Variants in GALNT13 observed in about 807,000 individuals in gnomAD.
GALNT13 encodes polypeptide N-acetylgalactosaminyltransferase 13, also known as UDP-GalNAc:polypeptide N-acetylgalactosaminyltransferase 13.
Under a neutral mutation model 64.2 loss-of-function variants are expected in GALNT13, and 28 were observed. The ratio of observed to expected loss-of-function variants is 0.44; its 90% CI spans 0.32 to 0.60. The LOEUF (loss-of-function observed/expected upper bound fraction) is 0.60. GALNT13 is among the 20% of genes least tolerant of loss of function. GALNT13 has a pLI of 0.05. For missense variants in GALNT13, 577 were observed against 669.8 expected (o/e 0.86, Z 1.53); for synonymous variants, 214 against 224.6 (o/e 0.95, Z 0.42).
intron 3 of GALNT13, among the ~76,000 whole-genome samples, chr2:153,958,911 A>C (rs1311890226): frequency 6.6e-6 from 1 of 152,188 alleles, no homozygotes; most frequent in Non-Finnish European, 1.5e-5. Context: ...CACCAAAAAC[A>C]AAAATATTTG....
chr2:154,030,887 C>T (rs993043973), intron 3 of GALNT13, among the ~76,000 whole-genome samples: 1 of 152,096 alleles, frequency 6.6e-6, no homozygotes, highest in Non-Finnish European at 1.5e-5. Context: ...GTCAATTAAC[C>T]CTCTTTTCTT....
At chr2:153,193,098 C>A in the GALNT13 span, among the ~76,000 whole-genome samples, 2 of 151,846 alleles carry the variant, frequency 1.3e-5, no homozygotes, top group Non-Finnish European at 2.9e-5. Flanking sequence ...GGTTTGATGG[C>A]TTTCTGTAGT....
At chr2:154,307,679 C>A (rs1038516802) in intron 9 of GALNT13, among the ~76,000 whole-genome samples, 1 of 151,908 alleles carries the variant, frequency 6.6e-6, no homozygotes, top group African/African-American at 2.4e-5. Context: ...TATATAGCAT[C>A]AAATACTATA....
chr2:153,608,082 ACTTTAAT>A, the GALNT13 span, among the ~76,000 whole-genome samples: 2 of 152,138 alleles, frequency 1.3e-5, no homozygotes, highest in East Asian at 3.9e-4. Context: ...AGCATCAGGG[ACTTTAAT>A]CTGAAATGTT....
intron 3 of GALNT13, among the ~76,000 whole-genome samples, chr2:154,099,692 C>A (rs528686473): frequency 6.6e-6 from 1 of 152,100 alleles, no homozygotes; most frequent in Admixed American, 6.6e-5. Context: ...AATACCAGCA[C>A]TTTGGGAAGC....
chr2:153,309,528 CT>C, the GALNT13 span, among the ~76,000 whole-genome samples: 115,831 of 149,400 alleles, frequency 0.78, 45,684 homozygotes, highest in Non-Finnish European at 0.84. Flanking sequence ...TCTTGAAGCA[CT>C]TTTTTTTTTT....
the GALNT13 span, among the ~76,000 whole-genome samples, chr2:153,663,640 G>A: frequency 6.6e-6 from 1 of 152,230 alleles, no homozygotes; most frequent in East Asian, 1.9e-4. Flanking sequence ...ATTTTCTGCA[G>A]CTCCAAACTG....
the GALNT13 span, among the ~76,000 whole-genome samples, chr2:153,712,088 G>C: frequency 1.5e-4 from 23 of 152,136 alleles, no homozygotes. Flanking sequence ...ACCTGAAATT[G>C]TAATCATATT....
the GALNT13 span, among the ~76,000 whole-genome samples, chr2:153,301,464 TGATA>T: frequency 5.3e-5 from 8 of 152,116 alleles, no homozygotes; most frequent in Admixed American, 5.2e-4. Context: ...CACATTGGTT[TGATA>T]GATATATAAT....
At chr2:153,566,348 G>GTTTTTTTGTTTTTTTTTTTTTTTTT in the GALNT13 span, among the ~76,000 whole-genome samples, 1 of 74,826 alleles carries the variant, frequency 1.3e-5, no homozygotes, top group African/African-American at 6.4e-5. Context: ...TTCTAATCAC[G>GTTTTTTTGTTTTTTTTTTTTTTTTT]TTTTTTTTTT....
At chr2:153,146,442 G>A in the GALNT13 span, among the ~76,000 whole-genome samples, 899 of 151,880 alleles carry the variant, frequency 5.9e-3, 13 homozygotes, top group African/African-American at 0.02. Context: ...TAAGAGCCCC[G>A]AAAGTCATGG....
chr2:153,614,455 T>C, the GALNT13 span, among the ~76,000 whole-genome samples: 3 of 152,008 alleles, frequency 2.0e-5, no homozygotes, highest in African/African-American at 7.2e-5. Context: ...TGACTGGATT[T>C]CTTCACAGCA....
chr2:154,392,791 G>A (rs987044805), intron 9 of GALNT13, among the ~76,000 whole-genome samples: 1 of 152,128 alleles, frequency 6.6e-6, no homozygotes, highest in Non-Finnish European at 1.5e-5. Context: ...AGGCAATAGT[G>A]AATAAAATAT....
At chr2:153,722,761 T>G in the GALNT13 span, among the ~76,000 whole-genome samples, 1 of 152,114 alleles carries the variant, frequency 6.6e-6, no homozygotes, top group Non-Finnish European at 1.5e-5. Flanking sequence ...CAGGAAGAAG[T>G]TGAATCTCTG....
intron 3 of GALNT13, among the ~76,000 whole-genome samples, chr2:154,071,069 C>A (rs1369113473): frequency 1.3e-5 from 2 of 152,160 alleles, no homozygotes; most frequent in East Asian, 3.9e-4. Flanking sequence ...TTCTAAAACT[C>A]CTGGAACTAA....
At chr2:153,508,491 T>TG in the GALNT13 span, among the ~76,000 whole-genome samples, 1 of 151,830 alleles carries the variant, frequency 6.6e-6, no homozygotes, top group African/African-American at 2.4e-5. Flanking sequence ...ACCAGGGAAG[T>TG]GGGGGAAAGC....
At chr2:153,881,437 A>C (rs1686777727) in intron 1 of GALNT13, among the ~76,000 whole-genome samples, 1 of 152,172 alleles carries the variant, frequency 6.6e-6, no homozygotes, top group South Asian at 2.1e-4. Flanking sequence ...CATTTTGTCA[A>C]AAATTTTTAA....
At chr2:154,118,543 C>G (rs1229819841) in intron 3 of GALNT13, among the ~76,000 whole-genome samples, 1 of 151,250 alleles carries the variant, frequency 6.6e-6, no homozygotes, top group Non-Finnish European at 1.5e-5. Flanking sequence ...TAAGGACTTA[C>G]TACTGTCACT....
At chr2:153,525,580 G>T in the GALNT13 span, among the ~76,000 whole-genome samples, 1 of 152,082 alleles carries the variant, frequency 6.6e-6, no homozygotes, top group African/African-American at 2.4e-5. Flanking sequence ...TGTGAACCCC[G>T]TTGTGAACTT....
Sources: gnomAD v4.1 joint callset for allele counts (sites outside exome capture counted in the v4.1 genomes callset) on GRCh38, gnomAD v4.1.1 for gene constraint, MANE v1.5 for transcripts, NCBI Gene and HGNC (gene_info 2026-07-23, HGNC 2026-07-21) for gene names.